MGAT5: variants seen among roughly 807,000 people sequenced by gnomAD.
MGAT5 encodes the protein alpha-1,6-mannosylglycoprotein 6-beta-N-acetylglucosaminyltransferase A.
In MGAT5, 30 loss-of-function variants were observed where a neutral mutation model predicts 94.3. The observed-to-expected ratio is 0.32, with a 90% CI of 0.24 to 0.43. The LOEUF is 0.43. MGAT5 is among the 20% of genes least tolerant of loss of function. The pLI is 1.00. For missense variants in MGAT5, 691 were observed against 905.5 expected (o/e 0.76, Z 3.04); for synonymous variants, 310 against 322.9 (o/e 0.96, Z 0.43).
intron 11 of MGAT5, among the ~76,000 whole-genome samples, chr2:134,410,866 C>T (rs528121102): frequency 1.2e-4 from 18 of 152,274 alleles, no homozygotes; most frequent in African/African-American, 3.4e-4. Context: ...TCCTGATCTG[C>T]GTCTTCTGGC....
intron 1 of MGAT5, among the ~76,000 whole-genome samples, chr2:134,131,172 A>C (rs919288785): frequency 2.0e-5 from 3 of 152,222 alleles, no homozygotes; most frequent in Non-Finnish European, 2.9e-5. Context: ...CAAACCCACC[A>C]GAAGGAAGAG....
chr2:134,415,971 C>T (rs1407774186), intron 12 of MGAT5, among the ~76,000 whole-genome samples: 1 of 152,092 alleles, frequency 6.6e-6, no homozygotes. Flanking sequence ...TGTTTTTATG[C>T]CAAAATCACC....
chr2:134,215,798 C>T (rs1315528264), intron 1 of MGAT5, among the ~76,000 whole-genome samples: 2 of 152,174 alleles, frequency 1.3e-5, no homozygotes, highest in Non-Finnish European at 2.9e-5. Context: ...TTTTCCTAAG[C>T]AGTTGTATCA....
At chr2:134,298,050 G>C (rs1685784983) in intron 2 of MGAT5, among the ~76,000 whole-genome samples, 1 of 151,836 alleles carries the variant, frequency 6.6e-6, no homozygotes, top group South Asian at 2.1e-4. Context: ...GTATTTCTTT[G>C]GGTTAATGTT....
At chr2:134,275,791 T>C (rs1005814865) in intron 2 of MGAT5, among the ~76,000 whole-genome samples, 1 of 151,982 alleles carries the variant, frequency 6.6e-6, no homozygotes, top group Non-Finnish European at 1.5e-5. Context: ...GGTCTTGCTA[T>C]GTTGCCCAGG....
intron 4 of MGAT5, among the ~76,000 whole-genome samples, chr2:134,323,565 C>G (rs879897812): frequency 6.6e-6 from 1 of 152,094 alleles, no homozygotes; most frequent in African/African-American, 2.4e-5. Flanking sequence ...CAAAGTCCTG[C>G]ACTTTTTGTT....
At chr2:134,155,727 C>T (rs1430681352) in intron 1 of MGAT5, among the ~76,000 whole-genome samples, 1 of 152,180 alleles carries the variant, frequency 6.6e-6, no homozygotes, top group Admixed American at 6.5e-5. Flanking sequence ...TCCTGCCTCC[C>T]TCTGTTTCTA....
At chr2:134,214,948 T>C (rs1026257045) in intron 1 of MGAT5, among the ~76,000 whole-genome samples, 1 of 152,174 alleles carries the variant, frequency 6.6e-6, no homozygotes, top group Non-Finnish European at 1.5e-5. Flanking sequence ...CCCCCTCATG[T>C]CCTCTCTTCC....
intron 7 of MGAT5, among the ~76,000 whole-genome samples, chr2:134,344,152 A>C (rs1285207544): frequency 6.6e-6 from 1 of 152,158 alleles, no homozygotes; most frequent in Non-Finnish European, 1.5e-5. Flanking sequence ...AGTGGATGGC[A>C]GTAGGGTTAG....
At chr2:134,403,832 CAGATGGAGGCAG>C (rs1366656093) in intron 11 of MGAT5, among the ~76,000 whole-genome samples, 1 of 152,236 alleles carries the variant, frequency 6.6e-6, no homozygotes, top group Admixed American at 6.5e-5. Flanking sequence ...CTGATTGGCA[CAGATGGAGGCAG>C]AGTTCACACC....
intron 6 of MGAT5, 26 bp downstream of exon 6, chr2:134,338,446 G>C (rs1414556097): frequency 3.2e-6 from 5 of 1,558,376 alleles, no homozygotes; most frequent in African/African-American, 1.4e-5. Context: ...ATTCAGTGCA[G>C]TTAGATGCCA....
At chr2:134,338,040 T>A (rs989631728) in intron 5 of MGAT5, among the ~76,000 whole-genome samples, 23 of 152,182 alleles carry the variant, frequency 1.5e-4, no homozygotes, top group African/African-American at 5.3e-4. Flanking sequence ...ATTTCTAATT[T>A]TTTAATGATG....
At chr2:134,206,830 C>G (rs927287436) in intron 1 of MGAT5, among the ~76,000 whole-genome samples, 1 of 152,134 alleles carries the variant, frequency 6.6e-6, no homozygotes, top group East Asian at 1.9e-4. Context: ...GGCAAGGAAC[C>G]GACTGTCCCT....
chr2:134,304,581 A>C (rs901881540), intron 2 of MGAT5, among the ~76,000 whole-genome samples: 1 of 152,188 alleles, frequency 6.6e-6, no homozygotes, highest in Admixed American at 6.5e-5. Context: ...GGATTATAAG[A>C]ATACTTGTAA....
chr2:134,335,413 A>G (rs1262290335), intron 4 of MGAT5, among the ~76,000 whole-genome samples: 1 of 152,210 alleles, frequency 6.6e-6, no homozygotes, highest in African/African-American at 2.4e-5. Context: ...AGACACCAAT[A>G]TAACTTTAAT....
chr2:134,193,673 CTTTG>C (rs1185808715), intron 1 of MGAT5, among the ~76,000 whole-genome samples: 3 of 119,448 alleles, frequency 2.5e-5, no homozygotes, highest in East Asian at 2.5e-4. Context: ...TACCCCAAAT[CTTTG>C]TGTGTGTGTG....
chr2:134,162,948 G>A (rs1386411466), intron 1 of MGAT5, among the ~76,000 whole-genome samples: 1 of 152,192 alleles, frequency 6.6e-6, no homozygotes. Flanking sequence ...AATGAACTTA[G>A]GAGCATGAAT....
chr2:134,363,722 A>G (rs548413851), intron 10 of MGAT5, among the ~76,000 whole-genome samples: 52 of 152,330 alleles, frequency 3.4e-4, no homozygotes, highest in Non-Finnish European at 5.4e-4. Flanking sequence ...AATGTTTCCT[A>G]TGTATGTTAT....
At chr2:134,250,265 T>G (rs571770386), upstream of MGAT5, among the ~76,000 whole-genome samples, 2 of 152,332 alleles carry the variant, frequency 1.3e-5, no homozygotes, top group South Asian at 4.1e-4. Flanking sequence ...GTCACGGCCA[T>G]GAGCTGACAT....
Sources: allele counts gnomAD v4.1 joint callset (sites outside exome capture counted in the v4.1 genomes callset), GRCh38; gene constraint gnomAD v4.1.1; transcripts MANE v1.5; gene names NCBI Gene and HGNC (gene_info 2026-07-23, HGNC 2026-07-21).